PIK3C2G: variants seen among roughly 807,000 people sequenced by gnomAD.
The protein encoded by PIK3C2G is phosphatidylinositol 3-kinase C2 domain-containing subunit gamma.
PIK3C2G carries 168 observed loss-of-function variants against 181.1 expected under a neutral mutation model. The observed-to-expected ratio is 0.93, with a 90% CI of 0.82 to 1.05. The LOEUF is 1.05. Among genes scored for constraint, PIK3C2G ranks in the 50% least tolerant of loss-of-function variants. The pLI is 0.00. For synonymous variants in PIK3C2G, 573 were observed against 592.2 expected, an observed-to-expected ratio of 0.97 and a Z score of 0.47; for missense variants, 1,869 against 1,732.8, an observed-to-expected ratio of 1.08 and a Z score of -1.40.
intron 24 of PIK3C2G, among the ~76,000 whole-genome samples, chr12:18,533,498 A>G (rs1943667488): frequency 6.6e-6 from 1 of 151,984 alleles, no homozygotes; most frequent in African/African-American, 2.4e-5. Context: ...AGCTACTATC[A>G]TATCTGGTCA....
intron 1 of PIK3C2G, among the ~76,000 whole-genome samples, chr12:18,278,533 T>A (rs1367071370): frequency 6.6e-6 from 1 of 152,168 alleles, no homozygotes; most frequent in Non-Finnish European, 1.5e-5. Flanking sequence ...GGTCACAGGT[T>A]CCAGGGATCA....
In PIK3C2G at chr12:18,316,305, T is replaced by C. The variant is rs1158406024; in HGVS notation, c.1137+2241T>C. On this transcript the variant is annotated intron_variant, in intron 6 of 32. Coordinates refer to ENST00000538779, the MANE Select transcript of PIK3C2G (RefSeq NM_001288772.2). ...TCCGTCAATATTAAACTTAAGATTC[T>C]TCAAATTACCCTCAATGTTGAGAAA... Among the ~76,000 whole-genome samples the C allele has an allele frequency of 4.6e-5, 7 of 152,274 alleles. No individual in the cohort carries two copies. The East Asian group carries it at 1.4e-3, about 29-fold the overall frequency.
At chr12:18,245,714 G>A (rs1336765309), upstream of PIK3C2G, among the ~76,000 whole-genome samples, 1 of 152,008 alleles carries the variant, frequency 6.6e-6, no homozygotes, top group South Asian at 2.1e-4. Flanking sequence ...AGCATTATTT[G>A]CTTAACCATC....
chr12:18,348,886 G>A (rs891239256), intron 11 of PIK3C2G, among the ~76,000 whole-genome samples: 2 of 152,174 alleles, frequency 1.3e-5, no homozygotes, highest in African/African-American at 4.8e-5. Flanking sequence ...CAGTCAAACT[G>A]TTGACTGAGA....
chr12:18,503,498 A>G (rs1941637105), intron 23 of PIK3C2G, 81 bp downstream of exon 23: 1 of 1,039,842 alleles, frequency 9.6e-7, no homozygotes, highest in East Asian at 2.9e-5. Context: ...TGATTTGTAG[A>G]AAAGTAAATT....
chr12:18,318,474 G>A (rs1950965304), intron 6 of PIK3C2G, among the ~76,000 whole-genome samples: 1 of 151,810 alleles, frequency 6.6e-6, no homozygotes, highest in Non-Finnish European at 1.5e-5. Flanking sequence ...TGTTCTCTCA[G>A]TTTTATTTTT....
chr12:18,614,246 T>C (rs1470345969), intron 31 of PIK3C2G, among the ~76,000 whole-genome samples: 1 of 152,110 alleles, frequency 6.6e-6, no homozygotes, highest in Non-Finnish European at 1.5e-5. Context: ...AAGAATAAGA[T>C]ACAAAGCAAA....
At chr12:18,679,374 G>C in the PIK3C2G span, among the ~76,000 whole-genome samples, 1 of 151,860 alleles carries the variant, frequency 6.6e-6, no homozygotes, top group East Asian at 1.9e-4. Context: ...CTTATCCCAA[G>C]ACTACAAAGA....
intron 1 of PIK3C2G, among the ~76,000 whole-genome samples, chr12:18,271,363 T>C (rs1451965413): frequency 5.3e-5 from 8 of 152,110 alleles, no homozygotes; most frequent in Admixed American, 5.2e-4. Flanking sequence ...TCAATCATGA[T>C]TTTTCTAAAT....
chr12:18,320,252 T>G (rs914583904), intron 6 of PIK3C2G: 2 of 152,210 alleles, frequency 1.3e-5, no homozygotes, highest in African/African-American at 4.8e-5. Context: ...ACATACTGCA[T>G]TCTCTGCATA....
chr12:18,399,946 TTC>T, intron 16 of PIK3C2G, 99 bp downstream of exon 16: 1 of 617,436 alleles, frequency 1.6e-6, no homozygotes. Context: ...ATTCTGTTTG[TTC>T]TCAATTTTGA....
At chr12:18,283,225 T>C (rs1176897342) in intron 2 of PIK3C2G, among the ~76,000 whole-genome samples, 1 of 152,116 alleles carries the variant, frequency 6.6e-6, no homozygotes, top group Non-Finnish European at 1.5e-5. Flanking sequence ...ATTTATACGA[T>C]TGGCAGGCAA....
intron 18 of PIK3C2G, among the ~76,000 whole-genome samples, chr12:18,428,281 C>G (rs1214607429): frequency 2.0e-5 from 3 of 148,180 alleles, no homozygotes; most frequent in African/African-American, 7.5e-5. Flanking sequence ...TCCCATCTCA[C>G]GATTCATGAA....
At chr12:18,378,347 T>A (rs1469702227) in intron 13 of PIK3C2G, among the ~76,000 whole-genome samples, 1 of 151,562 alleles carries the variant, frequency 6.6e-6, no homozygotes, top group Non-Finnish European at 1.5e-5. Context: ...AGAAATAAAG[T>A]TTCATCTATG....
At chr12:18,314,148 T>C (rs990791782) in intron 6 of PIK3C2G, 84 bp downstream of exon 6, 6 of 662,578 alleles carry the variant, frequency 9.1e-6, no homozygotes, top group African/African-American at 1.8e-5. Flanking sequence ...ATTGCCAACT[T>C]GGAATTATAT....
At chr12:18,599,356 G>T (rs961029315) in intron 30 of PIK3C2G, among the ~76,000 whole-genome samples, 16 of 152,118 alleles carry the variant, frequency 1.1e-4, no homozygotes, top group Non-Finnish European at 1.3e-4. Context: ...TAGGGACATG[G>T]ATGAAATTGG....
chr12:18,402,024 A>G (rs770564264), intron 16 of PIK3C2G, among the ~76,000 whole-genome samples: 2 of 152,148 alleles, frequency 1.3e-5, no homozygotes, highest in Non-Finnish European at 2.9e-5. Context: ...ACTATGAAGT[A>G]TATACTCAAG....
chr12:18,444,181 T>C (rs1227236677), intron 18 of PIK3C2G, among the ~76,000 whole-genome samples: 1 of 152,166 alleles, frequency 6.6e-6, no homozygotes. Context: ...CTTCCCTCTA[T>C]AATGTTATGT....
At chr12:18,626,122 T>C (rs1949086162) in intron 31 of PIK3C2G, among the ~76,000 whole-genome samples, 1 of 151,858 alleles carries the variant, frequency 6.6e-6, no homozygotes, top group Admixed American at 6.6e-5. Context: ...TGTTGCTGTC[T>C]TTCTTTGTGG....
Sources: gnomAD v4.1 joint callset for allele counts (sites outside exome capture counted in the v4.1 genomes callset) on GRCh38, gnomAD v4.1.1 for gene constraint, MANE v1.5 for transcripts, NCBI Gene and HGNC (gene_info 2026-07-23, HGNC 2026-07-21) for gene names.